The following ZNF431 variants were observed in gnomAD, a reference collection of about 807,000 sequenced individuals.
The protein encoded by ZNF431 is zinc finger protein 431.
A neutral mutation model predicts 57.0 loss-of-function variants in ZNF431; 34 were observed. The observed-to-expected ratio is 0.60, with a 90% CI of 0.45 to 0.79. ZNF431 has a LOEUF of 0.79. Ranked by LOEUF, ZNF431 falls within the 30% of genes least tolerant of loss-of-function variation. ZNF431 has a pLI of 0.00. For missense variants in ZNF431, 607 were observed against 667.1 expected (o/e 0.91, Z 0.99); for synonymous variants, 207 against 220.3 (o/e 0.94, Z 0.54).
At chr19:21,159,165 C>A (rs1054810304) in intron 2 of ZNF431, among the ~76,000 whole-genome samples, 1 of 152,072 alleles carries the variant, frequency 6.6e-6, no homozygotes, top group African/African-American at 2.4e-5. Flanking sequence ...AGAGATACAG[C>A]CTACTTGATC....
chr19:21,182,445 C>G (rs912283446), intron 4 of ZNF431, among the ~76,000 whole-genome samples, 178 bp from the exon 5 acceptor site: 1 of 152,102 alleles, frequency 6.6e-6, no homozygotes, highest in Non-Finnish European at 1.5e-5. Context: ...AAGTTGTCCT[C>G]AAATATATTT....
At position 21,193,042 on chromosome 19, in the gene ZNF431, A is replaced by C. The variant is rs1971537248; in HGVS notation, c.*9008A>C. On this transcript the variant is annotated 3_prime_UTR_variant, in exon 5 of 5. Transcript: ENST00000311048. Reference sequence around the variant, plus strand: ...AGGAACAGAACTCTTGAACAGGGCAAAAATGTATAAAATATATAATGAAAT... The same window carrying C: ...AGGAACAGAACTCTTGAACAGGGCACAAATGTATAAAATATATAATGAAAT... 6.6e-6 allele frequency: 1 copy of C among 152,222 alleles called. No homozygotes were observed. The highest frequency in any genetic ancestry group is 6.5e-5 in the Admixed American group (1 of 15,290). 9.4% of individuals were successfully genotyped at this position (152,222 alleles called of 1,614,324 possible).
At chr19:21,154,167 TC>T (rs1243561283) in intron 2 of ZNF431, among the ~76,000 whole-genome samples, 1 of 151,944 alleles carries the variant, frequency 6.6e-6, no homozygotes. Flanking sequence ...ATGCTATCCC[TC>T]CCCCCTCCAC....
Position 21,184,236 on chromosome 19 carries a change from TCTA to T in ZNF431, c.*205_*207del. 1 of 468,138 alleles carries T rather than the reference TCTA, an allele frequency of 2.1e-6. No homozygotes were observed. The highest frequency in any genetic ancestry group is 3.7e-6 in the Non-Finnish European group (1 of 267,814). 29.0% of individuals were successfully genotyped at this position (468,138 alleles called of 1,614,324 possible). On this transcript the variant is annotated 3_prime_UTR_variant, in exon 5 of 5. Transcript: ENST00000311048. ...GTGGTGGCACGTGCCTGTATTCCCA[TCTA>T]CTCGGGAGGCTTAGGCAGGATAATC...
intron 2 of ZNF431, among the ~76,000 whole-genome samples, chr19:21,161,905 A>T (rs542511776): frequency 6.6e-6 from 1 of 152,178 alleles, no homozygotes; most frequent in African/African-American, 2.4e-5. Context: ...TTTCCCACCT[A>T]GGCCTCCCAA....
At chr19:21,143,990 G>C (rs1293147243) in intron 2 of ZNF431, among the ~76,000 whole-genome samples, 1 of 151,598 alleles carries the variant, frequency 6.6e-6, no homozygotes, top group Non-Finnish European at 1.5e-5. Context: ...CTCCTGTATG[G>C]GTGGTTCATG....
intron 2 of ZNF431, among the ~76,000 whole-genome samples, chr19:21,157,588 G>C (rs1970452166): frequency 6.6e-6 from 1 of 151,288 alleles, no homozygotes; most frequent in Non-Finnish European, 1.5e-5. Context: ...CTGGAGTGTA[G>C]TGGTGGGACC....
chr19:21,142,922 G>T (rs1394488694), intron 1 of ZNF431, among the ~76,000 whole-genome samples: 1 of 152,032 alleles, frequency 6.6e-6, no homozygotes, highest in Non-Finnish European at 1.5e-5. Context: ...GGAACCCAGG[G>T]ACTAAAGACA....
At chr19:21,145,970 A>G (rs981052828) in intron 2 of ZNF431, among the ~76,000 whole-genome samples, 3 of 152,178 alleles carry the variant, frequency 2.0e-5, no homozygotes, top group African/African-American at 7.2e-5. Context: ...GTTGAATCAG[A>G]CTGAGGATAG....
At chr19:21,176,966 G>A (rs1971072235) in intron 4 of ZNF431, among the ~76,000 whole-genome samples, 1 of 149,904 alleles carries the variant, frequency 6.7e-6, no homozygotes, top group African/African-American at 2.5e-5. Context: ...CCAAAGCACT[G>A]TGGTTACAGG....
At chr19:21,174,758 A>G (rs944859247) in intron 4 of ZNF431, among the ~76,000 whole-genome samples, 6 of 151,936 alleles carry the variant, frequency 3.9e-5, no homozygotes, top group Non-Finnish European at 7.4e-5. Context: ...GTATGTATGT[A>G]TTTATGTATG....
Position 21,152,321 on chromosome 19 carries a change from G to A in ZNF431, c.96+8678G>A, listed in dbSNP as rs1366779526. Among the ~76,000 whole-genome samples, 6 of 152,316 alleles carry A rather than the reference G, an allele frequency of 3.9e-5. No individual in the cohort carries two copies. The South Asian group carries it at 8.3e-4, about 21-fold the overall frequency. On this transcript the variant is annotated intron_variant, in intron 2 of 4. Coordinates refer to ENST00000311048, the MANE Select transcript of ZNF431 (RefSeq NM_133473.4). ...TCCAGAGAAAGACCTACTCATTGCA[G>A]CGATAATAAAAAGTTCAGGTGGCCG...
At chr19:21,166,120 C>A (rs1007959058) in intron 2 of ZNF431, among the ~76,000 whole-genome samples, 1 of 152,122 alleles carries the variant, frequency 6.6e-6, no homozygotes, top group African/African-American at 2.4e-5. Flanking sequence ...ATCATATATG[C>A]ACTGGTGTTG....
At chr19:21,144,361 G>A (rs1970025676) in intron 2 of ZNF431, among the ~76,000 whole-genome samples, 1 of 151,872 alleles carries the variant, frequency 6.6e-6, no homozygotes. Context: ...ACCACACCCA[G>A]CTAATTTTTT....
chr19:21,193,228 C>T lies in ZNF431; in HGVS notation c.*9194C>T, dbSNP rs777886548. 6.6e-6 allele frequency: 1 copy of T among 152,132 alleles called. No individual in the cohort carries two copies. The highest frequency in any genetic ancestry group is 1.5e-5 in the Non-Finnish European group (1 of 68,004). The allele number at this position is 152,132 out of a possible 1,614,324, so 9.4% of individuals were successfully genotyped here. A position where few individuals can be genotyped will look rare whatever the true frequency, so the allele number is the denominator to read the frequency against. Reference sequence around the variant, plus strand: ...ATCCAGGTGGAGTTCCACCCTAACTCATTATATAAAATCTGTATCGCTGCA... The same window carrying T: ...ATCCAGGTGGAGTTCCACCCTAACTTATTATATAAAATCTGTATCGCTGCA... On this transcript the variant is annotated 3_prime_UTR_variant, in exon 5 of 5. Transcript: ENST00000311048.
intron 2 of ZNF431, among the ~76,000 whole-genome samples, chr19:21,156,838 A>G (rs1359072921): frequency 6.6e-6 from 1 of 152,020 alleles, no homozygotes; most frequent in Non-Finnish European, 1.5e-5. Context: ...GCAGTGGTGC[A>G]ATCTTGACTC....
chr19:21,153,899 A>G (rs1354609340), intron 2 of ZNF431, among the ~76,000 whole-genome samples: 1 of 152,114 alleles, frequency 6.6e-6, no homozygotes, highest in Non-Finnish European at 1.5e-5. Flanking sequence ...TATTTTTAGT[A>G]GAGACGGGGT....
chr19:21,167,383 T>G (rs1970752283), intron 3 of ZNF431, among the ~76,000 whole-genome samples, 188 bp from the exon 4 acceptor site: 1 of 152,144 alleles, frequency 6.6e-6, no homozygotes, highest in Non-Finnish European at 1.5e-5. Context: ...GGTCTCAAAC[T>G]CCTGACCTCA....
In ZNF431 at chr19:21,192,747, G is replaced by A. The variant is rs1189865054; in HGVS notation, c.*8713G>A. The A allele has an allele frequency of 1.3e-5, 2 of 151,990 alleles. No individual in the cohort carries two copies. The highest frequency in any genetic ancestry group is 2.4e-5 in the African/African-American group (1 of 41,370). The allele number at this position is 151,990 out of a possible 1,614,324, so 9.4% of individuals were successfully genotyped here. A position where few individuals can be genotyped will look rare whatever the true frequency, so the allele number is the denominator to read the frequency against. On this transcript the variant is annotated 3_prime_UTR_variant, in exon 5 of 5. Coordinates refer to ENST00000311048, the MANE Select transcript of ZNF431 (RefSeq NM_133473.4). ...TTTTTGGTTATATATGGCATTTATTGGCTGAAGTGCATTTGTTCTATACCT... is the reference window on the plus strand; with the variant it reads ...TTTTTGGTTATATATGGCATTTATTAGCTGAAGTGCATTTGTTCTATACCT...
Sources: allele counts gnomAD v4.1 joint callset (sites outside exome capture counted in the v4.1 genomes callset), GRCh38; gene constraint gnomAD v4.1.1; transcripts MANE v1.5; gene names NCBI Gene and HGNC (gene_info 2026-07-23, HGNC 2026-07-21).